Variants in TRPV1 observed in about 807,000 individuals in gnomAD.
TRPV1 encodes transient receptor potential cation channel subfamily V member 1, also known as OTRPC1.
In TRPV1, 82 loss-of-function variants were observed where a neutral mutation model predicts 82.3. That is an observed-to-expected ratio of 1.00 (90% CI 0.83 to 1.20). TRPV1 has a LOEUF of 1.20. Ranked by LOEUF, TRPV1 falls within the 50% of genes most tolerant of loss-of-function variation. The pLI, the probability that TRPV1 is intolerant of heterozygous loss-of-function variation, is 0.00. For missense variants in TRPV1, 1,067 were observed against 1,096.8 expected, an observed-to-expected ratio of 0.97 and a Z score of 0.38; for synonymous variants, 515 against 467.7, an observed-to-expected ratio of 1.10 and a Z score of -1.30.
intron 8 of TRPV1, 79 bp downstream of exon 8, chr17:3,588,109 G>A: frequency 6.8e-7 from 1 of 1,481,128 alleles, no homozygotes; most frequent in Non-Finnish European, 9.1e-7. Context: ...GAAGCCAGCT[G>A]GAGCTGGACC....
chr17:3,591,791 C>T (rs1567671689), intron 3 of TRPV1, among the ~76,000 whole-genome samples: 2 of 152,230 alleles, frequency 1.3e-5, no homozygotes, highest in South Asian at 4.1e-4. Flanking sequence ...CTGTGCTCTC[C>T]AAAAGCCTCC....
intron 2 of TRPV1, among the ~76,000 whole-genome samples, chr17:3,604,753 G>A (rs1169446427): frequency 6.6e-6 from 1 of 152,146 alleles, no homozygotes; most frequent in Non-Finnish European, 1.5e-5. Context: ...GTGGGCTGGA[G>A]TCCCCTACCC....
rs370206471 is a variant in TRPV1 at position 3,592,277 on chromosome 17, A to G, written c.74T>C (p.Leu25Pro). The change falls in exon 3 of 17, where the codon CTG (leucine) becomes CCG (proline). Residue 25 changes from leucine to proline, a missense_variant. By Grantham distance (98) the Leu-to-Pro change is moderately conservative. Transcript: ENST00000572705. ...TGGCCTGGAGTTAGGGTCTCCATCC[A>G]GGGGGTCTGGGCAGGTGTCCTTTTG... is the stretch of plus-strand genomic sequence containing the variant. ...PLQKDTCPDP[L>P]DGDPNSRPPP... 6.8e-6 allele frequency: 11 copies of G among 1,605,984 alleles called. No individual in the cohort carries two copies. The African/African-American group carries it at 1.3e-4, about 20-fold the overall frequency.
At chr17:3,582,675 C>A (rs981559421) in intron 10 of TRPV1, among the ~76,000 whole-genome samples, 2 of 151,526 alleles carry the variant, frequency 1.3e-5, no homozygotes, top group Admixed American at 6.6e-5. Flanking sequence ...AAAACAATTC[C>A]TTGCTGGTGT....
intron 8 of TRPV1, among the ~76,000 whole-genome samples, chr17:3,586,948 T>G (rs1202331909): frequency 2.0e-5 from 3 of 152,082 alleles, no homozygotes; most frequent in African/African-American, 7.2e-5. Flanking sequence ...AATGGGAAAC[T>G]CCTTACTGCC....
At chr17:3,583,576 G>T (rs989612137) in intron 9 of TRPV1, 146 bp from the exon 10 acceptor site, 11 of 705,674 alleles carry the variant, frequency 1.6e-5, no homozygotes, top group Admixed American at 2.9e-5. Flanking sequence ...GTTATTAGGG[G>T]AGCGCCCGCA....
At chr17:3,582,129 G>A (rs2075027698) in intron 10 of TRPV1, among the ~76,000 whole-genome samples, 1 of 139,662 alleles carries the variant, frequency 7.2e-6, no homozygotes, top group South Asian at 2.3e-4. Flanking sequence ...GGCGGAGCTT[G>A]CAGTGAGTGG....
intron 2 of TRPV1, among the ~76,000 whole-genome samples, chr17:3,593,613 C>A (rs1442916914): frequency 6.6e-6 from 1 of 152,188 alleles, no homozygotes; most frequent in Non-Finnish European, 1.5e-5. Context: ...TACTTCCCCT[C>A]AGGATCCAGC....
rs1456587013 is a variant in TRPV1, at chr17:3,588,230, GTTC to G, written c.1179_1181del (p.Lys393del). On this transcript the variant is annotated inframe_deletion, in exon 8 of 17. Coordinates refer to ENST00000572705, the MANE Select transcript of TRPV1 (RefSeq NM_080704.4). ...TGTAGGCGATCACCTCCAGCACCGA[GTTC>G]TTCTCGCAGGTGTCGATGCAGGACA... 5.3e-5 allele frequency: 83 copies of G among 1,578,464 alleles called. No individual in the cohort carries two copies. The highest frequency in any genetic ancestry group is 2.0e-4 in the Admixed American group (11 of 54,682).
intron 2 of TRPV1, among the ~76,000 whole-genome samples, chr17:3,594,888 GAGAC>G (rs2075204460): frequency 6.6e-6 from 1 of 152,166 alleles, no homozygotes; most frequent in African/African-American, 2.4e-5. Flanking sequence ...CTAGGGTCTG[GAGAC>G]AGACAGGGAA....
intron 2 of TRPV1, among the ~76,000 whole-genome samples, chr17:3,606,774 T>C (rs1467984256): frequency 1.3e-5 from 2 of 152,118 alleles, no homozygotes; most frequent in Non-Finnish European, 2.9e-5. Flanking sequence ...GCAGAGTGAA[T>C]GCATAGTCTG....
Position 3,605,512 on chromosome 17 carries a change from A to G in TRPV1, c.-34+2915T>C, listed in dbSNP as rs146758917. Reference sequence around the variant, plus strand: ...GTAACAGAGTGAGACTCCATTTAAAAAAAAAAAAAGATTCAATGAATTCAA... The same window carrying G: ...GTAACAGAGTGAGACTCCATTTAAAGAAAAAAAAAGATTCAATGAATTCAA... On this transcript the variant is annotated intron_variant, in intron 2 of 16. Transcript: ENST00000572705. Among the ~76,000 whole-genome samples, 593 of 152,218 alleles carry G rather than the reference A, an allele frequency of 3.9e-3. 4 individuals are homozygous for G. Among genetic ancestry groups the G allele is most frequent in the Non-Finnish European group, 6.9e-3 (466 of 67,994 alleles).
intron 2 of TRPV1, among the ~76,000 whole-genome samples, chr17:3,606,433 C>T (rs762846259): frequency 6.6e-5 from 10 of 152,226 alleles, no homozygotes. Flanking sequence ...CTCCTAAAGA[C>T]CTCTGCCCAG....
At chr17:3,596,845 G>A (rs889012236) in intron 2 of TRPV1, 1 of 152,324 alleles carries the variant, frequency 6.6e-6, no homozygotes, top group Admixed American at 6.5e-5. Flanking sequence ...ACAGGGCCCG[G>A]CTTTTGGCCA....
intron 14 of TRPV1, 147 bp from the exon 15 acceptor site, chr17:3,572,396 G>C (rs759050422): frequency 7.6e-5 from 79 of 1,039,596 alleles, no homozygotes; most frequent in Non-Finnish European, 9.6e-5. Context: ...CGCTAGCTTT[G>C]TTTCTGTAGC....
At position 3,589,875 on chromosome 17, in the gene TRPV1, G is replaced by T; in HGVS notation, c.976C>A (p.Leu326Met). The T allele has an allele frequency of 2.1e-5, 34 of 1,612,860 alleles. No individual in the cohort carries two copies. Among genetic ancestry groups the T allele is most frequent in the Non-Finnish European group, 2.8e-5 (33 of 1,179,532 alleles). The change falls in exon 7 of 17, where the codon CTG becomes ATG. Residue 326 changes from leucine (L) to methionine (M), a missense_variant. By Grantham distance (15) the Leu-to-Met change is conservative. Transcript: ENST00000572705. ...LGAKLHPTLK[L>M]EELTNKKGMT... The stretch of plus-strand genomic sequence containing the variant: ...CCCTTCTTGTTGGTGAGCTCCTCCA[G>T]CTTCAGCGTCGGGTGCAGTTTGGCC...
chr17:3,569,364 T>A (rs955961410), intron 16 of TRPV1, among the ~76,000 whole-genome samples: 3 of 151,336 alleles, frequency 2.0e-5, no homozygotes, highest in Non-Finnish European at 4.4e-5. Flanking sequence ...AAGGCGGAGG[T>A]TGCAGTGAGC....
chr17:3,573,990 T>C (rs2150828374), intron 13 of TRPV1, 35 bp from the exon 14 acceptor site: 10 of 1,522,574 alleles, frequency 6.6e-6, no homozygotes, highest in Non-Finnish European at 7.9e-6. Context: ...TGCCACTGGA[T>C]AGAAGCCAAT....
intron 2 of TRPV1, among the ~76,000 whole-genome samples, chr17:3,603,325 G>A (rs12944357): frequency 0.13 from 20,129 of 152,060 alleles, 1,648 homozygotes; most frequent in Middle Eastern, 0.19. Context: ...AGTCAGCACA[G>A]AACGCTGGAG....
Sources: allele counts gnomAD v4.1 joint callset (sites outside exome capture counted in the v4.1 genomes callset), GRCh38; gene constraint gnomAD v4.1.1; transcripts MANE v1.5; gene names NCBI Gene and HGNC (gene_info 2026-07-23, HGNC 2026-07-21).